The following FAM118A variants were observed in gnomAD, a reference collection of about 807,000 sequenced individuals.
The protein encoded by FAM118A is protein FAM118A.
A neutral mutation model predicts 38.2 loss-of-function variants in FAM118A; 25 were observed. The observed-to-expected ratio is 0.65, with a 90% CI of 0.48 to 0.91. FAM118A has a LOEUF of 0.91. Ranked by LOEUF, FAM118A falls within the 40% of genes least tolerant of loss-of-function variation. FAM118A has a pLI of 0.00. For synonymous variants in FAM118A, 178 were observed against 184.1 expected (o/e 0.97, Z 0.27); for missense variants, 425 against 463.3 (o/e 0.92, Z 0.76).
At chr22:45,340,237 G>A in intron 8 of FAM118A, 149 bp from the exon 9 acceptor site, 2 of 786,254 alleles carry the variant, frequency 2.5e-6, no homozygotes, top group Non-Finnish European at 4.2e-6. Flanking sequence ...TTTCCAGACA[G>A]TGGCTACTGT....
At chr22:45,326,279 C>T (rs2085260455) in intron 3 of FAM118A, among the ~76,000 whole-genome samples, 1 of 152,042 alleles carries the variant, frequency 6.6e-6, no homozygotes, top group African/African-American at 2.4e-5. Flanking sequence ...CCCAGCCAGG[C>T]TTTGGCTGTC....
At chr22:45,327,654 G>C (rs995591569) in intron 3 of FAM118A, among the ~76,000 whole-genome samples, 188 bp from the exon 4 acceptor site, 1 of 152,182 alleles carries the variant, frequency 6.6e-6, no homozygotes, top group Admixed American at 6.5e-5. Flanking sequence ...CTGTGGCAGC[G>C]TCACCGGTGG....
chr22:45,339,553 T>C (rs1456282332), intron 8 of FAM118A, among the ~76,000 whole-genome samples: 1 of 152,224 alleles, frequency 6.6e-6, no homozygotes, highest in Non-Finnish European at 1.5e-5. Flanking sequence ...AGTAGAACCA[T>C]CATATAAGTA....
At chr22:45,337,973 C>G in intron 8 of FAM118A, 2 of 896,282 alleles carry the variant, frequency 2.2e-6, no homozygotes, top group Non-Finnish European at 1.3e-6. Context: ...TTGAAGGTAC[C>G]CGTTGCTTTT....
chr22:45,335,114 C>T (rs141774949), intron 6 of FAM118A: 12 of 529,392 alleles, frequency 2.3e-5, no homozygotes, highest in African/African-American at 3.8e-5. Context: ...TGCTAGTGAT[C>T]GCGGACACCA....
rs117048007 is a variant in FAM118A at position 45,340,206 on chromosome 22, A to G, written c.1055-180A>G. Reference sequence around the variant, plus strand: ...ATCATTTGCTTGATCCCCTGATAGTACTGATAATTACACAAGGTCATTTCC... The same window carrying G: ...ATCATTTGCTTGATCCCCTGATAGTGCTGATAATTACACAAGGTCATTTCC... On this transcript the variant is annotated intron_variant, in intron 8 of 8. Transcript: ENST00000441876. Among the ~76,000 whole-genome samples the G allele has an allele frequency of 1.9e-3, 285 of 152,344 alleles. 7 individuals carry two copies. In the East Asian group the frequency reaches 0.045, roughly 24 times the overall value.
At chr22:45,328,834 A>C (rs2085501331) in intron 4 of FAM118A, 1 of 196,378 alleles carries the variant, frequency 5.1e-6, no homozygotes, top group South Asian at 9.2e-5. Context: ...TATAAAGAAA[A>C]GAGCTGTAAT....
chr22:45,335,611 G>C (rs1031630042), intron 7 of FAM118A, among the ~76,000 whole-genome samples: 1 of 152,164 alleles, frequency 6.6e-6, no homozygotes, highest in African/African-American at 2.4e-5. Context: ...TCACACGTGA[G>C]CCAGCTGGCA....
At chr22:45,322,300 A>C (rs2084925230) in intron 1 of FAM118A, 71 bp from the exon 2 acceptor site, 2 of 1,582,942 alleles carry the variant, frequency 1.3e-6, no homozygotes, top group Non-Finnish European at 1.7e-6. Flanking sequence ...AGCCTTAACT[A>C]TCTTCCAGGG....
chr22:45,322,424 C>T lies in FAM118A; in HGVS notation c.45C>T (p.Ser15=). Residue 15 remains serine, a splice_region_variant and synonymous_variant, in exon 2 of 9, where the codon TCC becomes TCT. Transcript: ENST00000441876. ...EKTTNRSEQK[S]RKFLKSLIRK... Reference sequence around the variant, plus strand: ...CAACAAATAGAAGTGAACAAAAATCCAGGTAATTAAAGGCAACTATACCTT... The same window carrying T: ...CAACAAATAGAAGTGAACAAAAATCTAGGTAATTAAAGGCAACTATACCTT... 1.2e-6 allele frequency: 2 copies of T among 1,609,892 alleles called. No homozygotes were observed. The highest frequency in any genetic ancestry group is 1.1e-5 in the South Asian group (1 of 89,754).
chr22:45,327,761 C>A (rs1837899363), intron 3 of FAM118A, 81 bp from the exon 4 acceptor site: 1 of 1,403,632 alleles, frequency 7.1e-7, no homozygotes, highest in Non-Finnish European at 1.0e-6. Context: ...GTATCTCTGG[C>A]ACCCAGAAAA....
chr22:45,327,706 T>G, intron 3 of FAM118A, 136 bp from the exon 4 acceptor site: 1 of 820,694 alleles, frequency 1.2e-6, no homozygotes, highest in Non-Finnish European at 1.9e-6. Flanking sequence ...GCTCTGGGGT[T>G]GCGGCGCACG....
Position 45,336,323 on chromosome 22 carries a change from TTTAGGTAA to T in FAM118A, c.971-3_975del. 6.2e-7 allele frequency: 1 copy of T among 1,610,650 alleles called. No individual in the cohort carries two copies. Among genetic ancestry groups the T allele is most frequent in the Non-Finnish European group, 8.5e-7 (1 of 1,177,238 alleles). ...CAAGCTTCTTAATAAATTCTTCTCT[TTTAGGTAA>T]TGCATGCCAGGACTGTGCAAAGAGG... On this transcript the variant is annotated splice_acceptor_variant and splice_polypyrimidine_tract_variant and coding_sequence_variant and intron_variant, in exon 8 of 9. Transcript: ENST00000441876. LOFTEE classifies it high-confidence loss of function.
chr22:45,334,890 A>T (rs1435930523), intron 6 of FAM118A: 2 of 160,938 alleles, frequency 1.2e-5, no homozygotes, highest in Non-Finnish European at 2.7e-5. Context: ...GTAACCCTGC[A>T]TGTGCTCGGG....
intron 8 of FAM118A, among the ~76,000 whole-genome samples, chr22:45,339,036 T>A (rs1272710911): frequency 1.3e-5 from 2 of 152,102 alleles, no homozygotes. Context: ...AAGATGAGAG[T>A]GAGCTGATGT....
At chr22:45,336,278 G>T in intron 7 of FAM118A, 50 bp from the exon 8 acceptor site, 1 of 1,476,742 alleles carries the variant, frequency 6.8e-7, no homozygotes, top group Admixed American at 1.7e-5. Context: ...CTGTGCCTTG[G>T]CGAGTGGATT....
chr22:45,310,547 C>T (rs1397608692), intron 1 of FAM118A, among the ~76,000 whole-genome samples: 2 of 152,106 alleles, frequency 1.3e-5, no homozygotes, highest in African/African-American at 2.4e-5. Context: ...TGTCCTTAGC[C>T]CCGCGAGACC....
intron 8 of FAM118A, 28 bp from the exon 9 acceptor site, chr22:45,340,358 T>G: frequency 6.2e-7 from 1 of 1,614,020 alleles, no homozygotes; most frequent in Non-Finnish European, 8.5e-7. Flanking sequence ...CTTTAACCCT[T>G]GGGCATTTCA....
chr22:45,334,758 G>A (rs2085967132), intron 6 of FAM118A, among the ~76,000 whole-genome samples: 1 of 152,172 alleles, frequency 6.6e-6, no homozygotes, highest in Admixed American at 6.5e-5. Context: ...ACACCATTTG[G>A]TGCATCCTGG....
Sources: allele counts gnomAD v4.1 joint callset (sites outside exome capture counted in the v4.1 genomes callset), GRCh38; gene constraint gnomAD v4.1.1; transcripts MANE v1.5; gene names NCBI Gene and HGNC (gene_info 2026-07-23, HGNC 2026-07-21).